KANSL1L: variants seen among roughly 807,000 people sequenced by gnomAD.
KANSL1L encodes the protein KAT8 regulatory NSL complex subunit 1 like.
A neutral mutation model predicts 108.6 loss-of-function variants in KANSL1L; 25 were observed. That is an observed-to-expected ratio of 0.23 (90% CI 0.17 to 0.32). KANSL1L has a LOEUF of 0.32. KANSL1L is among the 10% of genes least tolerant of loss of function. KANSL1L has a pLI of 1.00. For synonymous variants in KANSL1L, 405 were observed against 395.1 expected (o/e 1.03, Z -0.30); for missense variants, 1,137 against 1,125.7 (o/e 1.01, Z -0.14).
intron 1 of KANSL1L, among the ~76,000 whole-genome samples, chr2:210,160,539 T>C (rs2095356210): frequency 6.6e-6 from 1 of 152,150 alleles, no homozygotes; most frequent in Non-Finnish European, 1.5e-5. Context: ...AATAAAAAAC[T>C]AGAAATAGAA....
intron 3 of KANSL1L, among the ~76,000 whole-genome samples, chr2:210,108,495 G>T (rs1238463271): frequency 6.6e-6 from 1 of 152,050 alleles, no homozygotes; most frequent in Non-Finnish European, 1.5e-5. Context: ...TAAGTTAAAG[G>T]ATTATGAATC....
At chr2:210,167,564 A>G (rs1688061644) in intron 1 of KANSL1L, among the ~76,000 whole-genome samples, 1 of 152,050 alleles carries the variant, frequency 6.6e-6, no homozygotes, top group Non-Finnish European at 1.5e-5. Context: ...TATATACTTT[A>G]GCTTCAATTT....
intron 1 of KANSL1L, among the ~76,000 whole-genome samples, chr2:210,160,550 A>G (rs375816438): frequency 6.6e-6 from 1 of 152,178 alleles, no homozygotes; most frequent in African/African-American, 2.4e-5. Flanking sequence ...AGAAATAGAA[A>G]TTTTTAAACA....
At chr2:210,064,881 G>C (rs1034059170) in intron 6 of KANSL1L, among the ~76,000 whole-genome samples, 3 of 151,174 alleles carry the variant, frequency 2.0e-5, no homozygotes, top group Admixed American at 2.0e-4. Flanking sequence ...ACAAAAAAGT[G>C]GAGTATAGAA....
chr2:210,031,507 G>C lies in KANSL1L; in HGVS notation c.2069C>G (p.Pro690Arg). ...TGACCTTATTTGAGGCTTACATATA[G>C]GTGAATATCCATTTCTCCATTGATT... ...TLNQWRNGYS[P>R]ICKPQIRSES... Residue 690 changes from proline to arginine, a missense_variant, in exon 9 of 15, where the codon CCT becomes CGT. Pro to Arg is a moderately radical substitution (Grantham distance 103, BLOSUM62 -2). Coordinates refer to ENST00000281772, the MANE Select transcript of KANSL1L (RefSeq NM_152519.4). The C allele has an allele frequency of 3.2e-6, 5 of 1,555,652 alleles. No homozygotes were observed. The highest frequency in any genetic ancestry group is 4.4e-6 in the Non-Finnish European group (5 of 1,131,570).
intron 6 of KANSL1L, among the ~76,000 whole-genome samples, chr2:210,070,989 C>A (rs769196775): frequency 6.6e-6 from 1 of 151,964 alleles, no homozygotes; most frequent in Admixed American, 6.5e-5. Context: ...GAAACCTCAT[C>A]TCTACTAAAA....
chr2:210,144,478 C>A (rs1473530587), intron 2 of KANSL1L, among the ~76,000 whole-genome samples: 1 of 152,186 alleles, frequency 6.6e-6, no homozygotes. Flanking sequence ...CCATAAATCA[C>A]ACAGGCTTTC....
At chr2:210,165,550 T>C (rs1687901041) in intron 1 of KANSL1L, among the ~76,000 whole-genome samples, 1 of 152,200 alleles carries the variant, frequency 6.6e-6, no homozygotes, top group Admixed American at 6.5e-5. Flanking sequence ...CCATAAATTC[T>C]AATTTTTAGA....
chr2:210,079,441 C>T (rs2094565415), intron 5 of KANSL1L, among the ~76,000 whole-genome samples: 2 of 150,488 alleles, frequency 1.3e-5, no homozygotes, highest in Admixed American at 1.3e-4. Flanking sequence ...ACTAAAAATA[C>T]AAAAATTAGC....
At chr2:210,128,986 A>C (rs759729934) in intron 3 of KANSL1L, 45 bp downstream of exon 3, 1 of 1,487,414 alleles carries the variant, frequency 6.7e-7, no homozygotes. Flanking sequence ...GAATGAAAAC[A>C]TTAACAATTT....
intron 8 of KANSL1L, among the ~76,000 whole-genome samples, chr2:210,037,700 A>T (rs755214380): frequency 8.5e-5 from 13 of 152,202 alleles, no homozygotes; most frequent in Admixed American, 2.0e-4. Context: ...TTGCTAGAGT[A>T]TTTAAAAGCA....
chr2:210,137,298 T>C (rs1168363306), intron 2 of KANSL1L, among the ~76,000 whole-genome samples: 5 of 152,230 alleles, frequency 3.3e-5, no homozygotes, highest in Non-Finnish European at 7.3e-5. Context: ...ATAGGACTTT[T>C]AGCATTTTGT....
chr2:210,050,107 A>G (rs1293114490), intron 6 of KANSL1L, among the ~76,000 whole-genome samples: 1 of 152,220 alleles, frequency 6.6e-6, no homozygotes, highest in African/African-American at 2.4e-5. Flanking sequence ...CCAGAAAAGA[A>G]GTTAAGCCTA....
At chr2:210,151,065 G>C (rs2095299944) in intron 2 of KANSL1L, among the ~76,000 whole-genome samples, 1 of 152,052 alleles carries the variant, frequency 6.6e-6, no homozygotes, top group African/African-American at 2.4e-5. Flanking sequence ...ACACAGACTG[G>C]AGTGCAAGGG....
At chr2:210,139,074 G>C (rs915349303) in intron 2 of KANSL1L, among the ~76,000 whole-genome samples, 2 of 152,018 alleles carry the variant, frequency 1.3e-5, no homozygotes, top group African/African-American at 4.8e-5. Flanking sequence ...ACTCCAGCCT[G>C]GGCAACAAAG....
upstream of KANSL1L, among the ~76,000 whole-genome samples, chr2:210,172,183 A>C (rs562715790): frequency 3.9e-5 from 6 of 152,140 alleles, no homozygotes; most frequent in African/African-American, 1.4e-4. Flanking sequence ...CGCTCACCAC[A>C]AAACAAACCT....
At chr2:210,142,088 T>C (rs1468176023) in intron 2 of KANSL1L, among the ~76,000 whole-genome samples, 1 of 151,866 alleles carries the variant, frequency 6.6e-6, no homozygotes, top group Non-Finnish European at 1.5e-5. Context: ...TCCCTCCTCC[T>C]CTTCAATTTT....
intron 3 of KANSL1L, among the ~76,000 whole-genome samples, chr2:210,108,454 A>T (rs2094872143): frequency 6.6e-6 from 1 of 152,236 alleles, no homozygotes; most frequent in Non-Finnish European, 1.5e-5. Context: ...AGTACTGCTT[A>T]GAAAATATAG....
intron 2 of KANSL1L, among the ~76,000 whole-genome samples, chr2:210,137,241 T>A (rs1466149451): frequency 6.6e-6 from 1 of 152,212 alleles, no homozygotes; most frequent in Non-Finnish European, 1.5e-5. Flanking sequence ...CAGAAAAATG[T>A]ATAGCCAATA....
Sources: gnomAD v4.1 joint callset for allele counts (sites outside exome capture counted in the v4.1 genomes callset) on GRCh38, gnomAD v4.1.1 for gene constraint, MANE v1.5 for transcripts, NCBI Gene and HGNC (gene_info 2026-07-23, HGNC 2026-07-21) for gene names.